SCUBE1: variants seen among roughly 807,000 people sequenced by gnomAD.
SCUBE1 encodes signal peptide, CUB and EGF-like domain-containing protein 1.
Under a neutral mutation model 124.4 loss-of-function variants are expected in SCUBE1, and 59 were observed. That is an observed-to-expected ratio of 0.47 (90% CI 0.38 to 0.59). SCUBE1 has a LOEUF of 0.59. Ranked by LOEUF, SCUBE1 falls within the 20% of genes least tolerant of loss-of-function variation. The pLI is 0.00. For synonymous variants in SCUBE1, 545 were observed against 550.9 expected (o/e 0.99, Z 0.15); for missense variants, 1,150 against 1,371.2 (o/e 0.84, Z 2.55).
At chr22:43,306,393 G>GT (rs558212063) in intron 3 of SCUBE1, among the ~76,000 whole-genome samples, 2 of 152,256 alleles carry the variant, frequency 1.3e-5, no homozygotes, top group South Asian at 4.1e-4. Context: ...TGCAGCGAGT[G>GT]TTTTCTTTGC....
chr22:43,269,097 C>T (rs1007264694), intron 4 of SCUBE1, among the ~76,000 whole-genome samples: 6 of 152,150 alleles, frequency 3.9e-5, no homozygotes, highest in African/African-American at 7.2e-5. Flanking sequence ...CGGGCATCAC[C>T]GTGCCCACCT....
At chr22:43,222,066 A>AAAT (rs534666009) in intron 12 of SCUBE1, among the ~76,000 whole-genome samples, 106 of 152,142 alleles carry the variant, frequency 7.0e-4, no homozygotes, top group African/African-American at 1.9e-3. Context: ...TCCGTTTTAA[A>AAAT]AATAATAATA....
chr22:43,337,615 C>T (rs1439264699), intron 2 of SCUBE1, among the ~76,000 whole-genome samples: 1 of 152,240 alleles, frequency 6.6e-6, no homozygotes, highest in Non-Finnish European at 1.5e-5. Flanking sequence ...GCCAGCTCCC[C>T]ACTTTGGGTT....
intron 4 of SCUBE1, among the ~76,000 whole-genome samples, chr22:43,280,765 T>TCGGCCACCC (rs1569009859): frequency 7.4e-5 from 7 of 94,442 alleles, no homozygotes; most frequent in African/African-American, 3.7e-4. Context: ...ACCTCCCTCA[T>TCGGCCACCC]TGGCCACCCT....
At chr22:43,260,829 G>T (rs1032042088) in intron 5 of SCUBE1, among the ~76,000 whole-genome samples, 1 of 152,140 alleles carries the variant, frequency 6.6e-6, no homozygotes, top group African/African-American at 2.4e-5. Flanking sequence ...AGGGTTGTGG[G>T]GGGTGTCCTA....
chr22:43,199,107 A>AGT lies in SCUBE1; in HGVS notation c.*4888_*4889dup, dbSNP rs1920967214. Reference sequence around the variant, plus strand: ...TGTTTGTCTGTCTGCTGTCTGGGGCAGTTTGTCATCTGTGCAGGGCACCAA... The same window carrying AGT: ...TGTTTGTCTGTCTGCTGTCTGGGGCAGTGTTTGTCATCTGTGCAGGGCACCAA... On this transcript the variant is annotated 3_prime_UTR_variant, in exon 22 of 22. Transcript: ENST00000360835. 3.2e-6 allele frequency: 1 copy of AGT among 308,910 alleles called. No homozygotes were observed. The highest frequency in any genetic ancestry group is 8.3e-5 in the East Asian group (1 of 12,020). 19.1% of individuals were successfully genotyped at this position (308,910 alleles called of 1,614,324 possible).
chr22:43,271,226 T>C (rs535775572), intron 4 of SCUBE1, among the ~76,000 whole-genome samples: 2 of 152,270 alleles, frequency 1.3e-5, no homozygotes, highest in East Asian at 3.9e-4. Context: ...TCCTTGCTCA[T>C]AGCACTCACC....
chr22:43,299,777 C>T lies in SCUBE1; in HGVS notation c.350-8597G>A, dbSNP rs186828083. Among the ~76,000 whole-genome samples, 8 of 152,282 alleles carry T rather than the reference C, an allele frequency of 5.3e-5. No individual in the cohort carries two copies. The East Asian group carries it at 7.7e-4, about 15-fold the overall frequency. ...CAGAAAGAGGACCTGTGCCCGTTTT[C>T]GGTTAGTCCCAATTCCTACCCCTTC... On this transcript the variant is annotated intron_variant, in intron 3 of 21. Transcript: ENST00000360835.
intron 3 of SCUBE1, among the ~76,000 whole-genome samples, chr22:43,299,046 C>T (rs1050789173): frequency 6.2e-5 from 7 of 112,134 alleles, no homozygotes; most frequent in South Asian, 3.3e-4. Flanking sequence ...AGCGAGACTC[C>T]GTCTCAAAAA....
intron 17 of SCUBE1, among the ~76,000 whole-genome samples, chr22:43,212,028 C>T (rs1198498716): frequency 1.3e-5 from 2 of 152,094 alleles, no homozygotes; most frequent in Non-Finnish European, 2.9e-5. Flanking sequence ...GGATGTAGAC[C>T]TGGGTGGGAC....
chr22:43,262,029 A>T (rs571582544), intron 5 of SCUBE1, among the ~76,000 whole-genome samples: 5 of 152,304 alleles, frequency 3.3e-5, no homozygotes, highest in African/African-American at 1.2e-4. Context: ...GCTGGACTAC[A>T]CGTGGGCCCC....
chr22:43,238,510 C>A, intron 7 of SCUBE1: 1 of 583,826 alleles, frequency 1.7e-6, no homozygotes. Context: ...CACTGAGGGC[C>A]CAGGAAGTCC....
intron 9 of SCUBE1, 62 bp from the exon 10 acceptor site, chr22:43,227,558 G>C (rs1003019744): frequency 6.3e-6 from 10 of 1,586,934 alleles, no homozygotes; most frequent in Non-Finnish European, 8.6e-6. Context: ...GGCAGGGGAA[G>C]GGACCACCCA....
chr22:43,274,540 G>C (rs1924421496), intron 4 of SCUBE1, among the ~76,000 whole-genome samples: 1 of 152,210 alleles, frequency 6.6e-6, no homozygotes, highest in African/African-American at 2.4e-5. Flanking sequence ...CAGGGAAAAG[G>C]TCTGTTTTTC....
Position 43,198,907 on chromosome 22 carries a change from T to C in SCUBE1, c.*5090A>G, listed in dbSNP as rs542250387. On this transcript the variant is annotated 3_prime_UTR_variant, in exon 22 of 22. Coordinates refer to ENST00000360835, the MANE Select transcript of SCUBE1 (RefSeq NM_173050.5). ...TTTGCTGTCTGCTTTCCGGGGCAGT[T>C]TGTCTGTCTGCTGTCTGGGGCAGTT... The C allele has an allele frequency of 8.0e-6, 3 of 374,644 alleles. No homozygotes were observed. Among genetic ancestry groups the C allele is most frequent in the East Asian group, 7.3e-5 (1 of 13,686 alleles). The allele number at this position is 374,644 out of a possible 1,614,324, so 23.2% of individuals were successfully genotyped here. A position where few individuals can be genotyped will look rare whatever the true frequency, so the allele number is the denominator to read the frequency against.
chr22:43,279,347 T>C (rs1480139247), intron 4 of SCUBE1, among the ~76,000 whole-genome samples: 3 of 152,168 alleles, frequency 2.0e-5, no homozygotes, highest in Non-Finnish European at 4.4e-5. Context: ...CCTCGGTGCA[T>C]ATGCTGTGCA....
chr22:43,273,561 C>CTTTTT lies in SCUBE1; in HGVS notation c.485-10721_485-10717dup, dbSNP rs1056252584. On this transcript the variant is annotated intron_variant, in intron 4 of 21. Coordinates refer to ENST00000360835, the MANE Select transcript of SCUBE1 (RefSeq NM_173050.5). ...TATAAAGTGGGGAGACTAAAACCCT[C>CTTTTT]TTTTTTTTTTTTTTTTTTTTTTTTG... Among the ~76,000 whole-genome samples the CTTTTT allele has an allele frequency of 2.0e-3, 124 of 60,952 alleles. 11 individuals carry two copies. Among genetic ancestry groups the CTTTTT allele is most frequent in the African/African-American group, 6.1e-3 (93 of 15,238 alleles). The allele number at this position is 60,952 out of a possible 152,430, so 40.0% of individuals were successfully genotyped here.
At chr22:43,306,589 C>G (rs1302583357) in intron 3 of SCUBE1, among the ~76,000 whole-genome samples, 1 of 152,130 alleles carries the variant, frequency 6.6e-6, no homozygotes, top group Non-Finnish European at 1.5e-5. Flanking sequence ...TACAGGGATG[C>G]AATCCCTGAC....
rs1022487443 is a variant in SCUBE1 at position 43,285,554 on chromosome 22, C to A, written c.484+5492G>T. Among the ~76,000 whole-genome samples the A allele has an allele frequency of 3.9e-5, 6 of 152,328 alleles. No homozygotes were observed. The South Asian group carries it at 1.2e-3, about 32-fold the overall frequency. On this transcript the variant is annotated intron_variant, in intron 4 of 21. Transcript: ENST00000360835. ...AGGGGGCGGGGGACAGAGGTGGCCA[C>A]TGGGGCACAGAAGAGGCAGAGCCCA...
Sources: gnomAD v4.1 joint callset for allele counts (sites outside exome capture counted in the v4.1 genomes callset) on GRCh38, gnomAD v4.1.1 for gene constraint, MANE v1.5 for transcripts, NCBI Gene and HGNC (gene_info 2026-07-23, HGNC 2026-07-21) for gene names.